The following HMBOX1 variants were observed in gnomAD, a reference collection of about 807,000 sequenced individuals.
HMBOX1 encodes homeobox containing 1.
In HMBOX1, 14 loss-of-function variants were observed where a neutral mutation model predicts 54.5. The observed-to-expected ratio is 0.26, with a 90% CI of 0.17 to 0.40. HMBOX1 has a LOEUF of 0.40. Among genes scored for constraint, HMBOX1 ranks in the 10% least tolerant of loss-of-function variants. The pLI, the probability that HMBOX1 is intolerant of heterozygous loss-of-function variation, is 1.00. For missense variants in HMBOX1, 332 were observed against 514.4 expected, an observed-to-expected ratio of 0.65 and a Z score of 3.43; for synonymous variants, 160 against 181.0, an observed-to-expected ratio of 0.88 and a Z score of 0.93.
At chr8:29,034,750 G>T (rs1475601331) in intron 6 of HMBOX1, among the ~76,000 whole-genome samples, 2 of 152,190 alleles carry the variant, frequency 1.3e-5, no homozygotes, top group Non-Finnish European at 2.9e-5. Context: ...CCAGCTACTT[G>T]GGAGGCTGAG....
chr8:28,974,662 G>C (rs1828071045), intron 3 of HMBOX1, among the ~76,000 whole-genome samples: 1 of 152,114 alleles, frequency 6.6e-6, no homozygotes, highest in South Asian at 2.1e-4. Context: ...CAGTTACTAT[G>C]TTATTGATAC....
intron 1 of HMBOX1, among the ~76,000 whole-genome samples, chr8:28,938,425 G>A (rs1820756646): frequency 6.6e-6 from 1 of 152,050 alleles, no homozygotes; most frequent in African/African-American, 2.4e-5. Flanking sequence ...GCAGCAAGGG[G>A]TATCTTTTTT....
intron 1 of HMBOX1, among the ~76,000 whole-genome samples, chr8:28,936,110 A>G (rs1057092934): frequency 1.3e-5 from 2 of 152,242 alleles, no homozygotes; most frequent in South Asian, 2.1e-4. Flanking sequence ...GAAAAATGCT[A>G]AGTATGAAAA....
At chr8:28,900,271 A>AATATATATATATATATATATAT (rs1554519263) in intron 1 of HMBOX1, among the ~76,000 whole-genome samples, 5 of 70,326 alleles carry the variant, frequency 7.1e-5, no homozygotes, top group East Asian at 3.7e-4. Context: ...AAAAAAAAAA[A>AATATATATATATATATATATAT]ATATATATAT....
intron 2 of HMBOX1, among the ~76,000 whole-genome samples, chr8:28,968,338 G>C (rs1826797653): frequency 6.6e-6 from 1 of 152,216 alleles, no homozygotes; most frequent in South Asian, 2.1e-4. Flanking sequence ...ACTTAAAGGA[G>C]TAGAATAGCC....
At chr8:28,959,480 G>T (rs1825079236) in intron 1 of HMBOX1, among the ~76,000 whole-genome samples, 1 of 152,114 alleles carries the variant, frequency 6.6e-6, no homozygotes, top group African/African-American at 2.4e-5. Context: ...TCGGACCATG[G>T]TTACTGCAGG....
intron 6 of HMBOX1, among the ~76,000 whole-genome samples, chr8:29,043,131 C>T (rs2133332933): frequency 6.6e-6 from 1 of 152,334 alleles, no homozygotes; most frequent in Admixed American, 6.5e-5. Context: ...CAAGGGTCTT[C>T]ACAAGCTGGC....
intron 1 of HMBOX1, among the ~76,000 whole-genome samples, chr8:28,933,745 CAAG>C (rs1000952054): frequency 2.0e-5 from 3 of 152,132 alleles, no homozygotes; most frequent in Non-Finnish European, 4.4e-5. Context: ...AAAGCTCACT[CAAG>C]AAGAAATAAT....
At chr8:29,027,716 A>G (rs1282810560) in intron 6 of HMBOX1, among the ~76,000 whole-genome samples, 2 of 152,200 alleles carry the variant, frequency 1.3e-5, no homozygotes, top group Non-Finnish European at 2.9e-5. Context: ...GGTAGAAGCA[A>G]TAGAATATAG....
At chr8:28,983,055 A>C (rs1829649508) in intron 4 of HMBOX1, among the ~76,000 whole-genome samples, 1 of 152,078 alleles carries the variant, frequency 6.6e-6, no homozygotes, top group African/African-American at 2.4e-5. Flanking sequence ...CTGAAAATAC[A>C]TTTACACATT....
chr8:29,052,990 A>G lies in HMBOX1; in HGVS notation c.*1835A>G, dbSNP rs1806579259. ...TTAAAACTGTGAGAGAGAGAGACTGAATGACCTTCCTCAGTTTTCCCTTTC... is the reference window on the plus strand; with the variant it reads ...TTAAAACTGTGAGAGAGAGAGACTGGATGACCTTCCTCAGTTTTCCCTTTC... On this transcript the variant is annotated 3_prime_UTR_variant, in exon 10 of 10. Coordinates refer to ENST00000287701, the MANE Select transcript of HMBOX1 (RefSeq NM_001135726.3). 6.6e-6 allele frequency: 1 copy of G among 152,396 alleles called. No homozygotes were observed. Among genetic ancestry groups the G allele is most frequent in the Non-Finnish European group, 1.5e-5 (1 of 68,052 alleles). 9.4% of individuals were successfully genotyped at this position (152,396 alleles called of 1,614,324 possible).
intron 5 of HMBOX1, 71 bp from the exon 6 acceptor site, chr8:29,018,689 A>T (rs1490184035): frequency 3.4e-6 from 5 of 1,456,772 alleles, no homozygotes; most frequent in Non-Finnish European, 1.9e-6. Context: ...CCCTAGTCCC[A>T]TAGGAAGTAG....
chr8:29,002,539 C>A (rs1031517631), intron 4 of HMBOX1, among the ~76,000 whole-genome samples: 2 of 151,998 alleles, frequency 1.3e-5, no homozygotes, highest in South Asian at 4.1e-4. Flanking sequence ...ATTTCCTTAG[C>A]TTTTTTAGCT....
At chr8:28,923,099 G>A (rs1429527546) in intron 1 of HMBOX1, among the ~76,000 whole-genome samples, 1 of 152,176 alleles carries the variant, frequency 6.6e-6, no homozygotes, top group Non-Finnish European at 1.5e-5. Flanking sequence ...TTGCACAACT[G>A]TCACCACTGT....
intron 4 of HMBOX1, among the ~76,000 whole-genome samples, chr8:28,986,505 A>G (rs1051315093): frequency 2.6e-5 from 4 of 152,194 alleles, no homozygotes; most frequent in African/African-American, 9.7e-5. Flanking sequence ...TTCCTACCTA[A>G]TGGATTTTAC....
At position 28,929,937 on chromosome 8, in the gene HMBOX1, G is replaced by A. The variant is rs1006748050; in HGVS notation, c.-57-33874G>A. ...GTTTCTAACACCCCGCCCCCCGCCC[G>A]CCCCCCGCCCCGCCAATGGAGACTC... On this transcript the variant is annotated intron_variant, in intron 1 of 9. Coordinates refer to ENST00000287701, the MANE Select transcript of HMBOX1 (RefSeq NM_001135726.3). Among the ~76,000 whole-genome samples, 378 of 42,878 alleles carry A rather than the reference G, an allele frequency of 8.8e-3. 2 individuals are homozygous for A. Among genetic ancestry groups the A allele is most frequent in the African/African-American group, 0.032 (353 of 11,066 alleles). 28.1% of individuals were successfully genotyped at this position (42,878 alleles called of 152,430 possible). A position where few individuals can be genotyped will look rare whatever the true frequency, so the allele number is the denominator to read the frequency against.
At chr8:29,049,537 C>G in intron 9 of HMBOX1, 1 of 1,250,938 alleles carries the variant, frequency 8.0e-7, no homozygotes, top group Non-Finnish European at 1.1e-6. Flanking sequence ...ACCCTCCTGC[C>G]CAAAGGAGTG....
chr8:29,036,422 T>A (rs778784805), intron 6 of HMBOX1, among the ~76,000 whole-genome samples: 1 of 152,116 alleles, frequency 6.6e-6, no homozygotes, highest in Non-Finnish European at 1.5e-5. Context: ...TAGACAGACT[T>A]TTAATGGGTG....
chr8:28,952,615 T>G (rs536611892), intron 1 of HMBOX1, among the ~76,000 whole-genome samples: 30 of 152,052 alleles, frequency 2.0e-4, no homozygotes, highest in African/African-American at 5.8e-4. Context: ...AAAAAAAAAA[T>G]TTAATCTTTA....
Sources: gnomAD v4.1 joint callset for allele counts (sites outside exome capture counted in the v4.1 genomes callset) on GRCh38, gnomAD v4.1.1 for gene constraint, MANE v1.5 for transcripts, NCBI Gene and HGNC (gene_info 2026-07-23, HGNC 2026-07-21) for gene names.